Variants in AKT2 observed in about 807,000 individuals in gnomAD.
AKT2 encodes the protein AKT serine/threonine kinase 2, also known as RAC-beta serine/threonine-protein kinase.
AKT2 carries 16 observed loss-of-function variants against 58.6 expected under a neutral mutation model. That is an observed-to-expected ratio of 0.27 (90% CI 0.18 to 0.41). AKT2 has a LOEUF of 0.41. Ranked by LOEUF, AKT2 falls within the 10% of genes least tolerant of loss-of-function variation. The pLI is 1.00. For missense variants in AKT2, 438 were observed against 661.0 expected (o/e 0.66, Z 3.70); for synonymous variants, 253 against 254.0 (o/e 1.00, Z 0.04).
At chr19:40,257,866 T>C (rs766942475) in intron 2 of AKT2, among the ~76,000 whole-genome samples, 23 of 152,142 alleles carry the variant, frequency 1.5e-4, no homozygotes, top group Admixed American at 5.2e-4. Context: ...CCGTAACTTA[T>C]GCTAAGTGAA....
intron 1 of AKT2, among the ~76,000 whole-genome samples, chr19:40,270,058 T>G (rs543741257): frequency 6.6e-6 from 1 of 152,324 alleles, no homozygotes; most frequent in South Asian, 2.1e-4. Flanking sequence ...CCTCAGGGCC[T>G]TGCAGGCACT....
intron 1 of AKT2, among the ~76,000 whole-genome samples, chr19:40,276,662 C>A (rs1323808792): frequency 6.6e-6 from 1 of 151,924 alleles, no homozygotes; most frequent in East Asian, 1.9e-4. Flanking sequence ...CCGTGCCCAG[C>A]CTGTAGAATG....
At position 40,237,628 on chromosome 19, in the gene AKT2, C is replaced by A. The variant is rs1298022662; in HGVS notation, c.831+341G>T. On this transcript the variant is annotated intron_variant, in intron 9 of 13. Coordinates refer to ENST00000392038, the MANE Select transcript of AKT2 (RefSeq NM_001626.6). This position sits in a 1 kb window ranked among gnomAD's most constrained non-coding sequence, Gnocchi z 4.5. ...CCACTGCACTCAACAGAGTAAGACT[C>A]CTCAAAAATAAATAAATAAATAAAT... 3 of 304,996 alleles carry A rather than the reference C, an allele frequency of 9.8e-6. No individual in the cohort carries two copies. The highest frequency in any genetic ancestry group is 1.9e-5 in the Non-Finnish European group (3 of 155,214). The allele number at this position is 304,996 out of a possible 1,614,324, so 18.9% of individuals were successfully genotyped here. A position where few individuals can be genotyped will look rare whatever the true frequency, so the allele number is the denominator to read the frequency against.
At chr19:40,271,948 C>T (rs934619980) in intron 1 of AKT2, among the ~76,000 whole-genome samples, 14 of 152,208 alleles carry the variant, frequency 9.2e-5, no homozygotes, top group African/African-American at 3.1e-4. Flanking sequence ...ATAGGGAAAC[C>T]TGGCAACAAT....
At chr19:40,250,254 G>C (rs942445457) in intron 4 of AKT2, among the ~76,000 whole-genome samples, 1 of 152,116 alleles carries the variant, frequency 6.6e-6, no homozygotes, top group Non-Finnish European at 1.5e-5. Flanking sequence ...TGTAATCCCA[G>C]CATTTTGGGA....
intron 4 of AKT2, among the ~76,000 whole-genome samples, chr19:40,251,199 G>A (rs1222900923): frequency 6.6e-6 from 1 of 151,842 alleles, no homozygotes; most frequent in Admixed American, 6.6e-5. Context: ...GCAAGAACTT[G>A]TCTCTAAAAA....
At chr19:40,262,294 T>C (rs1976021417) in intron 2 of AKT2, among the ~76,000 whole-genome samples, 1 of 151,280 alleles carries the variant, frequency 6.6e-6, no homozygotes, top group Non-Finnish European at 1.5e-5. Context: ...ATCCTCACAA[T>C]TGTATTCCTA....
At position 40,241,928 on chromosome 19, in the gene AKT2, G is replaced by C. The variant is rs1974433003; in HGVS notation, c.573+10C>G. 1 of 1,613,638 alleles carries C rather than the reference G, an allele frequency of 6.2e-7. No homozygotes were observed. ...CAGAGGCTCGCGAGCGCAATTCCCG[G>C]GGCACGCACCTTGGCAATGATGACT... On this transcript the variant is annotated intron_variant, in intron 6 of 13. Transcript: ENST00000392038.
At chr19:40,274,878 G>A (rs1050912695) in intron 1 of AKT2, 29 of 357,458 alleles carry the variant, frequency 8.1e-5, no homozygotes, top group African/African-American at 5.1e-4. Flanking sequence ...GGAACTATCC[G>A]CCTGAGGCGA....
intron 1 of AKT2, 127 bp downstream of exon 1, chr19:40,285,054 A>T (rs570246992): frequency 2.7e-6 from 1 of 367,768 alleles, no homozygotes; most frequent in South Asian, 1.5e-4. Flanking sequence ...TCAGCTCCTG[A>T]AGGAGGGGCT....
At chr19:40,261,904 CGT>C (rs1491167967) in intron 2 of AKT2, among the ~76,000 whole-genome samples, 86 of 149,602 alleles carry the variant, frequency 5.7e-4, no homozygotes, top group Admixed American at 6.6e-4. Flanking sequence ...ATTTCATCCC[CGT>C]TTTTTTTTTT....
chr19:40,231,790 G>A lies in AKT2; in HGVS notation c.*2082C>T, dbSNP rs1236816812. 4.3e-6 allele frequency: 1 copy of A among 233,626 alleles called. No homozygotes were observed. Among genetic ancestry groups the A allele is most frequent in the Non-Finnish European group, 8.4e-6 (1 of 118,468 alleles). The allele number at this position is 233,626 out of a possible 1,614,324, so 14.5% of individuals were successfully genotyped here. ...GGAGGGCTGACCCCAAGCTGAACAGGGTTCTAACCAAACGCTCAGGAGCTC... is the reference window on the plus strand; with the variant it reads ...GGAGGGCTGACCCCAAGCTGAACAGAGTTCTAACCAAACGCTCAGGAGCTC... On this transcript the variant is annotated 3_prime_UTR_variant, in exon 14 of 14. Coordinates refer to ENST00000392038, the MANE Select transcript of AKT2 (RefSeq NM_001626.6).
In AKT2 at chr19:40,242,136, C is replaced by A. The variant is rs1974447467; in HGVS notation, c.442-67G>T. ...CATGGCCCGTGGGAGGAAATTTTAA[C>A]AAAAGAAAGAGGAAAACCAAAAGAC... On this transcript the variant is annotated intron_variant, in intron 5 of 13. Coordinates refer to ENST00000392038, the MANE Select transcript of AKT2 (RefSeq NM_001626.6). This position sits in a 1 kb window ranked among gnomAD's most constrained non-coding sequence, Gnocchi z 4.3. 1 of 1,606,768 alleles carries A rather than the reference C, an allele frequency of 6.2e-7. No homozygotes were observed. Among genetic ancestry groups the A allele is most frequent in the African/African-American group, 1.3e-5 (1 of 74,748 alleles).
Position 40,231,621 on chromosome 19 carries a change from A to AGCAGG in AKT2, c.*2246_*2250dup, listed in dbSNP as rs1358890775. 4 of 233,390 alleles carry AGCAGG rather than the reference A, an allele frequency of 1.7e-5. No homozygotes were observed. The highest frequency in any genetic ancestry group is 3.6e-4 in the South Asian group (2 of 5,530). 14.5% of individuals were successfully genotyped at this position (233,390 alleles called of 1,614,324 possible). On this transcript the variant is annotated 3_prime_UTR_variant, in exon 14 of 14. Transcript: ENST00000392038. Reference sequence around the variant, plus strand: ...CCAGGCCCTCTGCACAGCAGGGCTCAGCAGGGCAGGCCAGGGCTCTGGTCC... The same window carrying AGCAGG: ...CCAGGCCCTCTGCACAGCAGGGCTCAGCAGGGCAGGGCAGGCCAGGGCTCTGGTCC...
At chr19:40,243,087 A>G in intron 4 of AKT2, 3 of 279,108 alleles carry the variant, frequency 1.1e-5, no homozygotes, top group South Asian at 3.9e-5. Flanking sequence ...GGGTGCAGTG[A>G]GCAGAGATCG....
intron 1 of AKT2, 23 bp from the exon 2 acceptor site, chr19:40,265,374 G>T: frequency 6.5e-7 from 1 of 1,546,848 alleles, no homozygotes; most frequent in Non-Finnish European, 8.7e-7. Context: ...AGAGGAGCTG[G>T]TCAGGGCGGG....
Position 40,234,296 on chromosome 19 carries a change from G to A in AKT2, c.1367-345C>T, listed in dbSNP as rs973642697. 1.3e-5 allele frequency among the ~76,000 whole-genome samples: 2 copies of A among 152,006 alleles called. No homozygotes were observed. The highest frequency in any genetic ancestry group is 2.1e-4 in the South Asian group (1 of 4,816). Reference sequence around the variant, plus strand: ...TCGCACCCTCCCATCCATTCTCCACGGGCAGCCAGGGGGGCTTTCTAAAGG... The same window carrying A: ...TCGCACCCTCCCATCCATTCTCCACAGGCAGCCAGGGGGGCTTTCTAAAGG... On this transcript the variant is annotated intron_variant, in intron 13 of 13. Transcript: ENST00000392038. The surrounding 1 kb of genome is among the most constrained non-coding windows in gnomAD (Gnocchi z 4.7).
At chr19:40,260,160 A>G (rs960242348) in intron 2 of AKT2, among the ~76,000 whole-genome samples, 2 of 152,048 alleles carry the variant, frequency 1.3e-5, no homozygotes, top group Admixed American at 1.3e-4. Context: ...TCAAAAAAAC[A>G]AAACAAAACA....
At chr19:40,267,121 G>A (rs562188779) in intron 1 of AKT2, among the ~76,000 whole-genome samples, 1 of 151,312 alleles carries the variant, frequency 6.6e-6, no homozygotes, top group African/African-American at 2.4e-5. Flanking sequence ...CTCCACTCTT[G>A]CTCCCTCCCA....
Sources: gnomAD v4.1 joint callset for allele counts (sites outside exome capture counted in the v4.1 genomes callset) on GRCh38, gnomAD v4.1.1 for gene constraint, Gnocchi (gnomAD v3.1) non-coding constraint, MANE v1.5 for transcripts, NCBI Gene and HGNC (gene_info 2026-07-23, HGNC 2026-07-21) for gene names.